The following ATP11A variants were observed in gnomAD, a reference collection of about 807,000 sequenced individuals.
ATP11A encodes ATPase phospholipid transporting 11A.
A neutral mutation model predicts 154.4 loss-of-function variants in ATP11A; 81 were observed. The observed-to-expected ratio is 0.52, with a 90% confidence interval of 0.44 to 0.63. The LOEUF is 0.63. Among genes scored for constraint, ATP11A ranks in the 30% least tolerant of loss-of-function variants. The pLI, the probability that ATP11A is intolerant of heterozygous loss-of-function variation, is 0.00. For synonymous variants in ATP11A, 623 were observed against 585.9 expected (o/e 1.06, Z -0.91); for missense variants, 1,316 against 1,474.3 (o/e 0.89, Z 1.76).
At chr13:112,721,601 A>G (rs1288312805) in intron 1 of ATP11A, among the ~76,000 whole-genome samples, 2 of 152,160 alleles carry the variant, frequency 1.3e-5, no homozygotes, top group East Asian at 3.9e-4. Context: ...CGTGGAAGCC[A>G]GGAGTGAGGA....
At chr13:112,844,430 C>T (rs2079515673) in intron 17 of ATP11A, among the ~76,000 whole-genome samples, 2 of 152,200 alleles carry the variant, frequency 1.3e-5, no homozygotes, top group South Asian at 4.1e-4. Flanking sequence ...GAGGCTTTGC[C>T]TGCTGGGAAG....
rs112313900 is a variant in ATP11A, at chr13:112,873,554, C to CT, written c.3058-9dup. ...TGCTCAGATGACACCGTTAACTGCC[C>CT]TTTTTTTTTTCCTTTTAGCTTGCAT... On this transcript the variant is annotated intron_variant, in intron 26 of 29. Coordinates refer to ENST00000375645, the MANE Select transcript of ATP11A (RefSeq NM_015205.3). 6,762 of 1,321,606 alleles carry CT rather than the reference C, an allele frequency of 5.1e-3. No individual in the cohort carries two copies. The highest frequency in any genetic ancestry group is 5.8e-3 in the South Asian group (400 of 69,362). 81.9% of individuals were successfully genotyped at this position (1,321,606 alleles called of 1,614,324 possible). A position where few individuals can be genotyped will look rare whatever the true frequency, so the allele number is the denominator to read the frequency against.
At chr13:112,767,495 G>T (rs2077121634) in intron 1 of ATP11A, among the ~76,000 whole-genome samples, 1 of 145,566 alleles carries the variant, frequency 6.9e-6, no homozygotes, top group African/African-American at 2.6e-5. Flanking sequence ...CCGTGGAAAG[G>T]TGGGGAGGAT....
intron 8 of ATP11A, among the ~76,000 whole-genome samples, chr13:112,822,171 C>G (rs1316420212): frequency 6.6e-6 from 1 of 152,190 alleles, no homozygotes; most frequent in African/African-American, 2.4e-5. Flanking sequence ...GACCCTTTAC[C>G]CTCTGAAGCA....
chr13:112,793,968 C>T (rs555933049), intron 2 of ATP11A, among the ~76,000 whole-genome samples: 1 of 152,208 alleles, frequency 6.6e-6, no homozygotes, highest in African/African-American at 2.4e-5. Flanking sequence ...GTGAGGCGTT[C>T]CAGCTCAGGG....
At chr13:112,798,679 T>G (rs1338259496) in intron 2 of ATP11A, among the ~76,000 whole-genome samples, 1 of 152,148 alleles carries the variant, frequency 6.6e-6, no homozygotes, top group Non-Finnish European at 1.5e-5. Context: ...ATAGTTGATA[T>G]TCTAAGACAG....
intron 1 of ATP11A, among the ~76,000 whole-genome samples, chr13:112,699,651 G>T (rs531538662): frequency 2.0e-5 from 3 of 152,370 alleles, no homozygotes; most frequent in Admixed American, 2.0e-4. Context: ...CTTCTGCTGA[G>T]TTGGAAGGAG....
intron 25 of ATP11A, among the ~76,000 whole-genome samples, chr13:112,864,798 G>A (rs1389105849): frequency 2.6e-5 from 2 of 77,982 alleles, no homozygotes; most frequent in Non-Finnish European, 2.4e-5. Flanking sequence ...TCTCAGCGGG[G>A]TCCATCACCA....
At chr13:112,876,781 A>G (rs910739772) in intron 28 of ATP11A, among the ~76,000 whole-genome samples, 7 of 152,154 alleles carry the variant, frequency 4.6e-5, no homozygotes, top group Admixed American at 2.6e-4. Context: ...ACGGGGAGTG[A>G]GTGGGGGCCG....
chr13:112,883,407 A>G lies in ATP11A; in HGVS notation c.*1541A>G, dbSNP rs1327178138. The G allele has an allele frequency of 2.6e-6, 1 of 380,880 alleles. No individual in the cohort carries two copies. 23.6% of individuals were successfully genotyped at this position (380,880 alleles called of 1,614,324 possible). A position where few individuals can be genotyped will look rare whatever the true frequency, so the allele number is the denominator to read the frequency against. ...GCTGCCTTTCAGGAAAGCACCACCA[A>G]CGCTGGAGGAGGAGCCGGCCCTCAC... On this transcript the variant is annotated 3_prime_UTR_variant, in exon 30 of 30. Coordinates refer to ENST00000375645, the MANE Select transcript of ATP11A (RefSeq NM_015205.3).
intron 1 of ATP11A, among the ~76,000 whole-genome samples, chr13:112,749,526 C>T (rs1275204204): frequency 6.6e-6 from 1 of 152,192 alleles, no homozygotes; most frequent in Non-Finnish European, 1.5e-5. Flanking sequence ...AGGAGATTTA[C>T]AGAACTCAGA....
chr13:112,780,921 C>T (rs562558185), intron 1 of ATP11A, among the ~76,000 whole-genome samples: 2 of 152,108 alleles, frequency 1.3e-5, no homozygotes, highest in Admixed American at 1.3e-4. Flanking sequence ...TGTCTGGGAA[C>T]GCGGAGAGAG....
chr13:112,858,476 G>A lies in ATP11A; in HGVS notation c.2667+186G>A, dbSNP rs375707293. On this transcript the variant is annotated intron_variant, in intron 22 of 29. Coordinates refer to ENST00000375645, the MANE Select transcript of ATP11A (RefSeq NM_015205.3). ...CTTAGCTGTGACTTTGCTTTTTACA[G>A]TTTCCATTACCTACAGTCAACCCAT... is the stretch of plus-strand genomic sequence containing the variant. 4 of 605,016 alleles carry A rather than the reference G, an allele frequency of 6.6e-6. No homozygotes were observed. In the African/African-American group the frequency reaches 7.4e-5, roughly 11 times the overall value. 37.5% of individuals were successfully genotyped at this position (605,016 alleles called of 1,614,324 possible). A position where few individuals can be genotyped will look rare whatever the true frequency, so the allele number is the denominator to read the frequency against.
chr13:112,770,797 G>A (rs2077208060), intron 1 of ATP11A, among the ~76,000 whole-genome samples: 1 of 152,222 alleles, frequency 6.6e-6, no homozygotes, highest in Non-Finnish European at 1.5e-5. Flanking sequence ...TGGCGAGTCA[G>A]GAGGAAGCCT....
intron 13 of ATP11A, among the ~76,000 whole-genome samples, chr13:112,832,498 A>T (rs1206686490): frequency 6.6e-6 from 1 of 152,216 alleles, no homozygotes; most frequent in Admixed American, 6.5e-5. Context: ...GCCAGGGTCC[A>T]GGGTGTTTGT....
At position 112,881,865 on chromosome 13, in the gene ATP11A, CCT is replaced by C. The variant is rs771078337; in HGVS notation, c.*10-6_*10-5del. On this transcript the variant is annotated splice_polypyrimidine_tract_variant and intron_variant, in intron 29 of 29. Coordinates refer to ENST00000375645, the MANE Select transcript of ATP11A (RefSeq NM_015205.3). ...CGCGACTCAGAATTCACCCCTCTTG[CCT>C]CTCTGCAGAGCCCAGGCTACCAGAG... is the stretch of plus-strand genomic sequence containing the variant. 9 of 1,367,644 alleles carry C rather than the reference CCT, an allele frequency of 6.6e-6. No individual in the cohort carries two copies. The East Asian group carries it at 1.4e-4, about 21-fold the overall frequency. 84.7% of individuals were successfully genotyped at this position (1,367,644 alleles called of 1,614,324 possible). A position where few individuals can be genotyped will look rare whatever the true frequency, so the allele number is the denominator to read the frequency against.
intron 1 of ATP11A, among the ~76,000 whole-genome samples, chr13:112,695,294 A>T (rs996363249): frequency 1.3e-5 from 2 of 152,228 alleles, no homozygotes; most frequent in Non-Finnish European, 2.9e-5. Flanking sequence ...TGTGGTGGCA[A>T]GCCTGCAGTA....
chr13:112,862,924 C>G (rs1471841021), intron 25 of ATP11A, among the ~76,000 whole-genome samples: 1 of 146,232 alleles, frequency 6.8e-6, no homozygotes, highest in South Asian at 2.2e-4. Flanking sequence ...ACCACCTGCG[C>G]AGTAATTCAG....
intron 8 of ATP11A, 126 bp downstream of exon 8, chr13:112,820,076 C>T: frequency 2.2e-6 from 2 of 917,810 alleles, no homozygotes; most frequent in Admixed American, 3.3e-5. Flanking sequence ...GTTCCGCTTT[C>T]CCACAGGGCC....
Sources: allele counts gnomAD v4.1 joint callset (sites outside exome capture counted in the v4.1 genomes callset), GRCh38; gene constraint gnomAD v4.1.1; transcripts MANE v1.5; gene names NCBI Gene and HGNC (gene_info 2026-07-23, HGNC 2026-07-21).